The following MAEA variants were observed in gnomAD, a reference collection of about 807,000 sequenced individuals.
MAEA encodes macrophage erythroblast attacher, E3 ubiquitin ligase, also known as E3 ubiquitin-protein transferase MAEA.
Under a neutral mutation model 46.2 loss-of-function variants are expected in MAEA, and 22 were observed. That is an observed-to-expected ratio of 0.48 (90% confidence interval 0.34 to 0.68). The LOEUF is 0.68. Ranked by LOEUF, MAEA falls within the 30% of genes least tolerant of loss-of-function variation. MAEA has a pLI of 0.01. For synonymous variants in MAEA, 246 were observed against 222.6 expected, an observed-to-expected ratio of 1.11 and a Z score of -0.94; for missense variants, 393 against 558.1, an observed-to-expected ratio of 0.70 and a Z score of 2.98.
intron 3 of MAEA, among the ~76,000 whole-genome samples, chr4:1,316,689 C>T (rs879754020): frequency 3.3e-5 from 5 of 152,126 alleles, no homozygotes; most frequent in Non-Finnish European, 7.4e-5. Flanking sequence ...ATGTGTGTGG[C>T]TCCCACCTGG....
chr4:1,315,487 G>A lies in MAEA; in HGVS notation c.343G>A (p.Ala115Thr), dbSNP rs772691576. The change falls in exon 3 of 9, where the codon GCG (alanine) becomes ACG (threonine). Residue 115 changes from alanine (A) to threonine (T), a missense_variant. Transcript: ENST00000303400. ...CAAAGAGCATAGCAGCGACCAGCCC[G>A]CGGCGGCCAGCGTGTGGAAGAGGAA... is the stretch of plus-strand genomic sequence containing the variant. ...HLKEHSSDQP[A>T]AASVWKRKRM... 2.0e-5 allele frequency: 33 copies of A among 1,613,886 alleles called. No individual in the cohort carries two copies. The highest frequency in any genetic ancestry group is 3.3e-5 in the South Asian group (3 of 91,086).
intron 1 of MAEA, among the ~76,000 whole-genome samples, chr4:1,292,208 C>T (rs568197956): frequency 6.6e-6 from 1 of 152,236 alleles, no homozygotes; most frequent in East Asian, 1.9e-4. Flanking sequence ...CTGGCATGCT[C>T]TGGACTGGAT....
chr4:1,334,054 GCACCCACCCCCA>G (rs1560389247), intron 6 of MAEA, among the ~76,000 whole-genome samples: 508 of 24,944 alleles, frequency 0.02, 152 homozygotes, highest in East Asian at 0.043. Flanking sequence ...GCTCACCCCT[GCACCCACCCCCA>G]TGCCCGTGTG....
At chr4:1,296,819 C>G (rs1389091640) in intron 1 of MAEA, among the ~76,000 whole-genome samples, 12 of 152,160 alleles carry the variant, frequency 7.9e-5, no homozygotes, top group Non-Finnish European at 2.9e-5. Context: ...CGAGACGCTC[C>G]CATCACTCGG....
At chr4:1,307,731 A>G (rs4974597) in intron 1 of MAEA, among the ~76,000 whole-genome samples, 23,450 of 152,168 alleles carry the variant, frequency 0.15, 3,480 homozygotes, top group East Asian at 0.42. Flanking sequence ...AAGTCCCAAC[A>G]TCCAAAGGCC....
chr4:1,300,874 G>A (rs1033707221), intron 1 of MAEA, among the ~76,000 whole-genome samples: 6 of 152,206 alleles, frequency 3.9e-5, no homozygotes, highest in African/African-American at 1.4e-4. Flanking sequence ...GATTCGAAGC[G>A]TTTTTCCTTG....
chr4:1,333,401 C>T (rs1027322582), intron 6 of MAEA, among the ~76,000 whole-genome samples: 7 of 152,088 alleles, frequency 4.6e-5, no homozygotes, highest in Admixed American at 3.3e-4. Context: ...AGCGTTCAGC[C>T]GGGGCCCAGC....
chr4:1,309,356 G>A (rs1163264444), intron 1 of MAEA: 2 of 1,124,858 alleles, frequency 1.8e-6, no homozygotes, highest in Non-Finnish European at 2.2e-6. Flanking sequence ...TTGCTAACCA[G>A]CCAGCCCAGG....
At chr4:1,336,023 C>G (rs1360247651) in intron 6 of MAEA, 1 of 105,372 alleles carries the variant, frequency 9.5e-6, no homozygotes. Context: ...GTTGAAATCA[C>G]AGAGTTAAGT....
At position 1,332,776 on chromosome 4, in the gene MAEA, A is replaced by G; in HGVS notation, c.676A>G (p.Ser226Gly). Residue 226 changes from serine (S) to glycine (G), a missense_variant, in exon 6 of 9, where the codon AGC becomes GGC. Coordinates refer to ENST00000303400, the MANE Select transcript of MAEA (RefSeq NM_001017405.3). ...DAVRHARKHF[S>G]QAEGSQLDEV... The stretch of plus-strand genomic sequence containing the variant: ...TTTTAGACATGCAAGAAAGCACTTC[A>G]GCCAAGCAGAAGGGAGCCAGCTGGA... 3 of 1,612,834 alleles carry G rather than the reference A, an allele frequency of 1.9e-6. No individual in the cohort carries two copies. Among genetic ancestry groups the G allele is most frequent in the Non-Finnish European group, 2.5e-6 (3 of 1,179,482 alleles).
Position 1,315,407 on chromosome 4 carries a change from C to A in MAEA, c.263C>A (p.Ser88Tyr), listed in dbSNP as rs1247601141. The A allele has an allele frequency of 6.2e-7, 1 of 1,613,744 alleles. No individual in the cohort carries two copies. Among genetic ancestry groups the A allele is most frequent in the East Asian group, 2.2e-5 (1 of 44,890 alleles). The change falls in exon 3 of 9, where the codon TCC (serine) becomes TAC (tyrosine). Residue 88 changes from serine to tyrosine, a missense_variant. Physicochemically the swap from Ser to Tyr is moderately radical, Grantham distance 144. Coordinates refer to ENST00000303400, the MANE Select transcript of MAEA (RefSeq NM_001017405.3). ...TTGTGTGTGGCTCAGGCGGTGGAAT[C>A]CATCCAGGCCGAGGACGAGAGCGCC... The part of the protein sequence containing the change: ...LSVLKRKAVE[S>Y]IQAEDESAKL...
At chr4:1,318,953 C>G (rs111323598) in intron 3 of MAEA, among the ~76,000 whole-genome samples, 3 of 114,386 alleles carry the variant, frequency 2.6e-5, no homozygotes, top group African/African-American at 3.9e-5. Context: ...AGCTGCTGCC[C>G]AGGGAAGGCC....
At chr4:1,331,673 T>G (rs553842656) in intron 5 of MAEA, 1 of 152,088 alleles carries the variant, frequency 6.6e-6, no homozygotes, top group East Asian at 1.9e-4. Context: ...CCCTGAGGGC[T>G]GAGAACGTGG....
At chr4:1,335,051 G>C (rs528817922) in intron 6 of MAEA, 11 of 985,438 alleles carry the variant, frequency 1.1e-5, no homozygotes, top group African/African-American at 3.5e-5. Flanking sequence ...CCAAGCTAGA[G>C]ACTGAGCGGC....
intron 1 of MAEA, among the ~76,000 whole-genome samples, chr4:1,297,380 AGC>A (rs1303212049): frequency 6.6e-6 from 1 of 151,412 alleles, no homozygotes; most frequent in Non-Finnish European, 1.5e-5. Flanking sequence ...CATCCTCCCA[AGC>A]GTTTACACTT....
chr4:1,294,270 TC>T (rs1734403238), intron 1 of MAEA, among the ~76,000 whole-genome samples: 1 of 152,252 alleles, frequency 6.6e-6, no homozygotes, highest in East Asian at 1.9e-4. Flanking sequence ...TGGGCTGGCT[TC>T]CGCGGCCTCC....
At chr4:1,322,348 C>G in intron 3 of MAEA, 33 bp from the exon 4 acceptor site, 1 of 1,611,560 alleles carries the variant, frequency 6.2e-7, no homozygotes, top group South Asian at 1.1e-5. Context: ...TGAGCCAGCA[C>G]ATTCTGATCA....
chr4:1,321,887 T>G (rs1738172261), intron 3 of MAEA, among the ~76,000 whole-genome samples: 1 of 149,848 alleles, frequency 6.7e-6, no homozygotes, highest in South Asian at 2.1e-4. Context: ...TTTTTTTTTT[T>G]CTTTGCTTTC....
At chr4:1,297,491 A>G (rs551358213) in intron 1 of MAEA, among the ~76,000 whole-genome samples, 8 of 138,154 alleles carry the variant, frequency 5.8e-5, no homozygotes, top group African/African-American at 2.5e-4. Context: ...ATATAGAGAG[A>G]GAGCACGCGC....
Sources: gnomAD v4.1 joint callset for allele counts (sites outside exome capture counted in the v4.1 genomes callset) on GRCh38, gnomAD v4.1.1 for gene constraint, MANE v1.5 for transcripts, NCBI Gene and HGNC (gene_info 2026-07-23, HGNC 2026-07-21) for gene names.